Variants in NR2F6 observed in about 807,000 individuals in gnomAD.
NR2F6 encodes ERBA-related gene-2.
In NR2F6, 16 loss-of-function variants were observed where a neutral mutation model predicts 26.5. The observed-to-expected ratio is 0.60, with a 90% CI of 0.41 to 0.92. The LOEUF (loss-of-function observed/expected upper bound fraction) is 0.92. NR2F6 is among the 40% of genes least tolerant of loss of function. The pLI, the probability that NR2F6 is intolerant of heterozygous loss-of-function variation, is 0.00. For synonymous variants in NR2F6, 325 were observed against 305.0 expected, an observed-to-expected ratio of 1.07 and a Z score of -0.68; for missense variants, 536 against 631.7, an observed-to-expected ratio of 0.85 and a Z score of 1.62.
Position 17,245,887 on chromosome 19 carries a change from C to T in NR2F6, c.-667G>A, listed in dbSNP as rs2073496232. On this transcript the variant is annotated 5_prime_UTR_variant, in exon 1 of 4. Transcript: ENST00000291442. This position sits in a 1 kb window ranked among gnomAD's most constrained non-coding sequence, Gnocchi z 5.0. ...CTCTCGCCGCCGCCACCGCCACCGA[C>T]CCCGCGCGCCGGCCTCGCGCTGCGG... is the stretch of plus-strand genomic sequence containing the variant. 6.8e-6 allele frequency: 1 copy of T among 146,820 alleles called. No individual in the cohort carries two copies. Among genetic ancestry groups the T allele is most frequent in the Non-Finnish European group, 1.5e-5 (1 of 66,200 alleles). 9.1% of individuals were successfully genotyped at this position (146,820 alleles called of 1,614,324 possible).
At position 17,235,858 on chromosome 19, in the gene NR2F6, C is replaced by T. The variant is rs1599453772; in HGVS notation, c.581G>A (p.Gly194Asp). 6.8e-7 allele frequency: 1 copy of T among 1,469,462 alleles called. No homozygotes were observed. The highest frequency in any genetic ancestry group is 1.5e-5 in the African/African-American group (1 of 67,730). 91.0% of individuals were successfully genotyped at this position (1,469,462 alleles called of 1,614,324 possible). Residue 194 changes from glycine (G) to aspartate (D), a missense_variant, in exon 3 of 4, where the codon GGC becomes GAC. Physicochemically the swap from Gly to Asp is moderately conservative, Grantham distance 94. Coordinates refer to ENST00000291442, the MANE Select transcript of NR2F6 (RefSeq NM_005234.4). The surrounding 1 kb of genome is among the most constrained non-coding windows in gnomAD (Gnocchi z 5.0). ...GRFGAGGGAA[G>D]AVLGIDNVCE... ...CACGTTGTCGATGCCCAGCACCGCG[C>T]CCGCCGCGCCGCCCCCTGCGCCGAA...
At chr19:17,237,051 C>A (rs972785020) in intron 2 of NR2F6, among the ~76,000 whole-genome samples, 9 of 152,308 alleles carry the variant, frequency 5.9e-5, no homozygotes, top group African/African-American at 1.9e-4. Flanking sequence ...CTGGCATGCC[C>A]CATCTCATCA....
chr19:17,235,411 T>C lies in NR2F6; in HGVS notation c.940+88A>G. ...GGCCTAGGGAGCGAGCGGGGCGCTA[T>C]GGGGGCCGGAGTCTGGGTCCAGGCC... On this transcript the variant is annotated intron_variant, in intron 3 of 3. Coordinates refer to ENST00000291442, the MANE Select transcript of NR2F6 (RefSeq NM_005234.4). The surrounding 1 kb of genome is among the most constrained non-coding windows in gnomAD (Gnocchi z 5.0). 1 of 1,508,262 alleles carries C rather than the reference T, an allele frequency of 6.6e-7. No homozygotes were observed. Among genetic ancestry groups the C allele is most frequent in the Non-Finnish European group, 8.8e-7 (1 of 1,134,514 alleles). 93.4% of individuals were successfully genotyped at this position (1,508,262 alleles called of 1,614,324 possible). A position where few individuals can be genotyped will look rare whatever the true frequency, so the allele number is the denominator to read the frequency against.
chr19:17,235,395 A>G lies in NR2F6; in HGVS notation c.940+104T>C, dbSNP rs2145563757. On this transcript the variant is annotated intron_variant, in intron 3 of 3. Transcript: ENST00000291442. The surrounding 1 kb of genome is among the most constrained non-coding windows in gnomAD (Gnocchi z 5.0). ...CGCGTGCAGGGCCCCAGGCCTAGGG[A>G]GCGAGCGGGGCGCTATGGGGGCCGG... 3 of 1,494,234 alleles carry G rather than the reference A, an allele frequency of 2.0e-6. No individual in the cohort carries two copies. Among genetic ancestry groups the G allele is most frequent in the East Asian group, 5.1e-5 (2 of 39,124 alleles). The allele number at this position is 1,494,234 out of a possible 1,614,324, so 92.6% of individuals were successfully genotyped here. A position where few individuals can be genotyped will look rare whatever the true frequency, so the allele number is the denominator to read the frequency against.
intron 3 of NR2F6, 54 bp from the exon 4 acceptor site, chr19:17,232,680 C>T: frequency 1.3e-6 from 2 of 1,501,262 alleles, no homozygotes; most frequent in East Asian, 2.3e-5. Flanking sequence ...GAACACAGAG[C>T]CCACAGGGGT....
Position 17,235,253 on chromosome 19 carries a change from G to C in NR2F6, c.940+246C>G, listed in dbSNP as rs917138156. Among the ~76,000 whole-genome samples the C allele has an allele frequency of 6.6e-6, 1 of 152,226 alleles. No individual in the cohort carries two copies. Reference sequence around the variant, plus strand: ...GGCCCTGGTCCTGGCCCAGCCTTGGGTCTGGGGTCCGGGGTTCAGAGTTCT... The same window carrying C: ...GGCCCTGGTCCTGGCCCAGCCTTGGCTCTGGGGTCCGGGGTTCAGAGTTCT... On this transcript the variant is annotated intron_variant, in intron 3 of 3. Transcript: ENST00000291442. This position sits in a 1 kb window ranked among gnomAD's most constrained non-coding sequence, Gnocchi z 5.0.
At chr19:17,243,624 G>C (rs747683413) in intron 1 of NR2F6, among the ~76,000 whole-genome samples, 7 of 152,196 alleles carry the variant, frequency 4.6e-5, no homozygotes, top group Non-Finnish European at 1.0e-4. Context: ...GGCCCACTTT[G>C]TGCTGGAGGA....
intron 1 of NR2F6, 47 bp downstream of exon 1, chr19:17,244,896 A>C (rs1381869557): frequency 1.9e-6 from 3 of 1,542,976 alleles, no homozygotes; most frequent in African/African-American, 2.8e-5. Context: ...GGCCTGCCCC[A>C]GGTCGGGGCG....
In NR2F6 at chr19:17,236,047, ATGCGGCCGCGCTGCACCGC is replaced by A. The variant is rs2073435718; in HGVS notation, c.374-1_391del. The A allele has an allele frequency of 8.5e-7, 1 of 1,179,370 alleles. No individual in the cohort carries two copies. 73.1% of individuals were successfully genotyped at this position (1,179,370 alleles called of 1,614,324 possible). ...CACGGCACCAGGCAGCGAGTGCGGG[ATGCGGCCGCGCTGCACCGC>A]TGCGGGAGGCGGGGACAGGAGGGAC... On this transcript the variant is annotated splice_acceptor_variant and coding_sequence_variant, in exon 3 of 4. Transcript: ENST00000291442. LOFTEE classifies it high-confidence loss of function.
intron 1 of NR2F6, among the ~76,000 whole-genome samples, chr19:17,243,352 G>A (rs1166994750): frequency 6.6e-6 from 1 of 152,164 alleles, no homozygotes; most frequent in Non-Finnish European, 1.5e-5. Flanking sequence ...AAACTACCCA[G>A]GCTGGGCCCC....
intron 1 of NR2F6, 147 bp downstream of exon 1, chr19:17,244,796 G>T (rs974795810): frequency 3.4e-6 from 3 of 881,958 alleles, no homozygotes; most frequent in East Asian, 3.2e-5. Context: ...CATGGAATGC[G>T]GGAGGAGGGT....
intron 3 of NR2F6, among the ~76,000 whole-genome samples, chr19:17,234,172 G>A (rs1031865713): frequency 6.7e-5 from 10 of 150,022 alleles, no homozygotes; most frequent in South Asian, 2.1e-4. Context: ...GCAGTGAGCC[G>A]AGATCGTGCT....
chr19:17,244,814 C>T (rs2073488093), intron 1 of NR2F6, 129 bp downstream of exon 1: 1 of 1,098,946 alleles, frequency 9.1e-7, no homozygotes, highest in Non-Finnish European at 1.3e-6. Flanking sequence ...GGTGCTGTGC[C>T]CCTATCTCAG....
Position 17,245,349 on chromosome 19 carries a change from A to C in NR2F6, c.-129T>G. On this transcript the variant is annotated 5_prime_UTR_variant, in exon 1 of 4. Coordinates refer to ENST00000291442, the MANE Select transcript of NR2F6 (RefSeq NM_005234.4). This position sits in a 1 kb window ranked among gnomAD's most constrained non-coding sequence, Gnocchi z 5.0. The stretch of plus-strand genomic sequence containing the variant: ...CGGGGGGCACGGGCTGCACCCCCCA[A>C]AAAAGTTTTGCAGCAACTTCCTGCG... 1 of 837,160 alleles carries C rather than the reference A, an allele frequency of 1.2e-6. No homozygotes were observed. The highest frequency in any genetic ancestry group is 1.5e-6 in the Non-Finnish European group (1 of 650,006). The allele number at this position is 837,160 out of a possible 1,614,324, so 51.9% of individuals were successfully genotyped here.
At position 17,232,353 on chromosome 19, in the gene NR2F6, C is replaced by A; in HGVS notation, c.1214G>T (p.Ter405LeuextTer2). Residue 405 changes from the stop codon to leucine (L), a stop_lost, in exon 4 of 4, where the codon TGA becomes TTA. Transcript: ENST00000291442. ...ACAGCACACGTGGCCCCGTCATGGTCACTGGCCCGAGCCGTAGGGCCAGTT... is the reference window on the plus strand; with the variant it reads ...ACAGCACACGTGGCCCCGTCATGGTAACTGGCCCGAGCCGTAGGGCCAGTT... ...TFNWPYGSGQ[*>L] 6.2e-7 allele frequency: 1 copy of A among 1,613,768 alleles called. No individual in the cohort carries two copies. Among genetic ancestry groups the A allele is most frequent in the South Asian group, 1.1e-5 (1 of 91,032 alleles).
chr19:17,232,299 T>A lies in NR2F6; in HGVS notation c.*53A>T. ...CCCCTCGAGGCCTCAGCATTCCCTG[T>A]CCCTTGAGGTCTGTCTGCAGGCCTG... On this transcript the variant is annotated 3_prime_UTR_variant, in exon 4 of 4. Coordinates refer to ENST00000291442, the MANE Select transcript of NR2F6 (RefSeq NM_005234.4). 6.2e-7 allele frequency: 1 copy of A among 1,608,856 alleles called. No individual in the cohort carries two copies.
chr19:17,232,439 C>T lies in NR2F6; in HGVS notation c.1128G>A (p.Leu376=). 2 of 1,614,138 alleles carry T rather than the reference C, an allele frequency of 1.2e-6. No individual in the cohort carries two copies. Among genetic ancestry groups the T allele is most frequent in the Admixed American group, 1.7e-5 (1 of 60,030 alleles). The change falls in exon 4 of 4, where the codon CTG becomes CTA. Residue 376 remains leucine, a synonymous_variant. Coordinates refer to ENST00000291442, the MANE Select transcript of NR2F6 (RefSeq NM_005234.4). ...GTGTCTCAATGGGCGTCTTCCCCAC[C>T]AGGCGCATGAAGAACAGCTGGGAGA... ...SLISQLFFMR[L]VGKTPIETLI...
chr19:17,238,544 C>T (rs942216049), intron 2 of NR2F6, among the ~76,000 whole-genome samples: 23 of 152,148 alleles, frequency 1.5e-4, no homozygotes, highest in South Asian at 2.1e-4. Context: ...ATAAATATTT[C>T]CACCCGAGGC....
intron 3 of NR2F6, among the ~76,000 whole-genome samples, chr19:17,233,706 G>A (rs2073420511): frequency 6.6e-6 from 1 of 151,968 alleles, no homozygotes; most frequent in Non-Finnish European, 1.5e-5. Flanking sequence ...GTGTTGGCCA[G>A]GCTGGTCTTG....
Sources: allele counts gnomAD v4.1 joint callset (sites outside exome capture counted in the v4.1 genomes callset), GRCh38; gene constraint gnomAD v4.1.1; non-coding constraint Gnocchi (gnomAD v3.1); transcripts MANE v1.5; gene names NCBI Gene and HGNC (gene_info 2026-07-23, HGNC 2026-07-21).